The following SLC16A10 variants were observed in gnomAD, a reference collection of about 807,000 sequenced individuals.
SLC16A10 encodes monocarboxylate transporter 10.
Under a neutral mutation model 40.0 loss-of-function variants are expected in SLC16A10, and 27 were observed. That is an observed-to-expected ratio of 0.67 (90% confidence interval 0.50 to 0.93). The LOEUF (loss-of-function observed/expected upper bound fraction) is 0.93. Ranked by LOEUF, SLC16A10 falls within the 40% of genes least tolerant of loss-of-function variation. SLC16A10 has a pLI of 0.00. For missense variants in SLC16A10, 529 were observed against 658.2 expected (o/e 0.80, Z 2.15); for synonymous variants, 213 against 249.8 (o/e 0.85, Z 1.39).
At chr6:111,217,503 G>A (rs1770781822) in intron 4 of SLC16A10, among the ~76,000 whole-genome samples, 1 of 152,172 alleles carries the variant, frequency 6.6e-6, no homozygotes, top group Non-Finnish European at 1.5e-5. Context: ...AGGCTGGAGT[G>A]CAGTGGCATG....
intron 1 of SLC16A10, among the ~76,000 whole-genome samples, chr6:111,126,169 T>C (rs1771670718): frequency 6.6e-6 from 1 of 152,228 alleles, no homozygotes; most frequent in Admixed American, 6.5e-5. Context: ...CTTAAAGTCC[T>C]AGAATAATAA....
intron 4 of SLC16A10, among the ~76,000 whole-genome samples, chr6:111,210,669 A>G (rs1294226461): frequency 2.0e-5 from 3 of 152,164 alleles, no homozygotes; most frequent in East Asian, 1.9e-4. Flanking sequence ...TGGCATGGGA[A>G]GGGACTGGAA....
chr6:111,218,850 A>G lies in SLC16A10; in HGVS notation c.1123A>G (p.Met375Val), dbSNP rs1770832140. The G allele has an allele frequency of 1.9e-6, 3 of 1,614,120 alleles. No homozygotes were observed. Among genetic ancestry groups the G allele is most frequent in the African/African-American group, 1.3e-5 (1 of 75,032 alleles). Residue 375 changes from methionine to valine, a missense_variant, in exon 5 of 6, where the codon ATG becomes GTG. By Grantham distance (21) the Met-to-Val change is conservative. Transcript: ENST00000368851. ...SFFFIGLMSM[M>V]IPLCSIFGAL... The stretch of plus-strand genomic sequence containing the variant: ...TTTCTTCATTGGTCTGATGTCCATG[A>G]TGATTCCTCTGTGTAGCATCTTTGG...
chr6:111,142,936 A>C (rs960849436), intron 1 of SLC16A10, among the ~76,000 whole-genome samples: 1 of 152,258 alleles, frequency 6.6e-6, no homozygotes, highest in African/African-American at 2.4e-5. Context: ...CAGCAGCTTT[A>C]TTCATAATTG....
intron 1 of SLC16A10, among the ~76,000 whole-genome samples, chr6:111,116,966 T>A (rs766547586): frequency 2.0e-5 from 3 of 152,136 alleles, no homozygotes; most frequent in Non-Finnish European, 4.4e-5. Context: ...TAGCAGTACA[T>A]GTATTGATTA....
At chr6:111,188,225 G>T (rs915833180) in intron 3 of SLC16A10, among the ~76,000 whole-genome samples, 1 of 151,800 alleles carries the variant, frequency 6.6e-6, no homozygotes. Flanking sequence ...AAATACTAGG[G>T]TTTAAAAGTT....
At chr6:111,110,602 A>G (rs991393414) in intron 1 of SLC16A10, among the ~76,000 whole-genome samples, 5 of 152,166 alleles carry the variant, frequency 3.3e-5, no homozygotes, top group African/African-American at 1.2e-4. Context: ...GGAAGAGGTC[A>G]TTAAATGTGG....
At chr6:111,089,096 T>G (rs1218621638) in intron 1 of SLC16A10, among the ~76,000 whole-genome samples, 2 of 152,154 alleles carry the variant, frequency 1.3e-5, no homozygotes, top group Admixed American at 1.3e-4. Context: ...CTTTATATGA[T>G]TAATAGTCTT....
At chr6:111,210,164 T>C (rs750777629) in intron 4 of SLC16A10, among the ~76,000 whole-genome samples, 1 of 152,188 alleles carries the variant, frequency 6.6e-6, no homozygotes, top group Non-Finnish European at 1.5e-5. Flanking sequence ...CTAAGGGCTC[T>C]ACATGCATTA....
intron 1 of SLC16A10, among the ~76,000 whole-genome samples, chr6:111,106,212 T>C (rs1474938528): frequency 6.6e-6 from 1 of 152,238 alleles, no homozygotes; most frequent in Non-Finnish European, 1.5e-5. Flanking sequence ...TTAAATTCCA[T>C]GCCAACACAT....
At position 111,225,132 on chromosome 6, in the gene SLC16A10, A is replaced by G. The variant is rs1770967833; in HGVS notation, c.*2897A>G. 1.3e-5 allele frequency: 2 copies of G among 152,248 alleles called. No homozygotes were observed. The highest frequency in any genetic ancestry group is 1.5e-5 in the Non-Finnish European group (1 of 68,042). 9.4% of individuals were successfully genotyped at this position (152,248 alleles called of 1,614,324 possible). A position where few individuals can be genotyped will look rare whatever the true frequency, so the allele number is the denominator to read the frequency against. On this transcript the variant is annotated 3_prime_UTR_variant, in exon 6 of 6. Coordinates refer to ENST00000368851, the MANE Select transcript of SLC16A10 (RefSeq NM_018593.5). The stretch of plus-strand genomic sequence containing the variant: ...GGGATCCATCCATTTAAGCAGTAAT[A>G]TACCACCCAGATTATTGATACTTTA...
intron 1 of SLC16A10, among the ~76,000 whole-genome samples, chr6:111,097,778 C>A (rs1477599693): frequency 6.6e-6 from 1 of 152,154 alleles, no homozygotes; most frequent in East Asian, 1.9e-4. Flanking sequence ...GTGCCGCTTT[C>A]CTCCTCCAGT....
chr6:111,141,989 G>A lies in SLC16A10; in HGVS notation c.344-30706G>A, dbSNP rs112555555. On this transcript the variant is annotated intron_variant, in intron 1 of 5. Transcript: ENST00000368851. The stretch of plus-strand genomic sequence containing the variant: ...GACAGGCAAAAGACCCAAAATAGGT[G>A]ACATGCTATTGAAGCAGAATAAAGT... 2.6e-3 allele frequency among the ~76,000 whole-genome samples: 388 copies of A among 151,832 alleles called. 2 individuals are homozygous for A. The highest frequency in any genetic ancestry group is 8.9e-3 in the African/African-American group (367 of 41,378).
intron 3 of SLC16A10, among the ~76,000 whole-genome samples, chr6:111,200,671 G>A (rs538233938): frequency 1.9e-4 from 29 of 152,314 alleles, no homozygotes; most frequent in African/African-American, 7.0e-4. Flanking sequence ...GTAGTGTTAA[G>A]TTTTGATTTG....
At chr6:111,194,189 CT>C (rs1209746932) in intron 3 of SLC16A10, among the ~76,000 whole-genome samples, 8 of 152,170 alleles carry the variant, frequency 5.3e-5, no homozygotes, top group African/African-American at 1.9e-4. Flanking sequence ...CTACTCATGA[CT>C]ACTTTACTTT....
chr6:111,099,060 C>A (rs1160010323), intron 1 of SLC16A10, among the ~76,000 whole-genome samples: 3 of 152,144 alleles, frequency 2.0e-5, no homozygotes, highest in East Asian at 3.8e-4. Context: ...AGATCAGATT[C>A]TTTGGCCATA....
chr6:111,112,063 C>T (rs1419848410), intron 1 of SLC16A10, among the ~76,000 whole-genome samples: 1 of 151,990 alleles, frequency 6.6e-6, no homozygotes, highest in African/African-American at 2.4e-5. Context: ...CAGAGTCTTG[C>T]TCTGTTGCCC....
At chr6:111,165,441 G>A (rs1583338466) in intron 1 of SLC16A10, among the ~76,000 whole-genome samples, 1 of 152,306 alleles carries the variant, frequency 6.6e-6, no homozygotes, top group African/African-American at 2.4e-5. Context: ...GATGCAAGAA[G>A]AGGAAAACAT....
At chr6:111,108,497 A>T (rs1043744986) in intron 1 of SLC16A10, among the ~76,000 whole-genome samples, 1 of 152,248 alleles carries the variant, frequency 6.6e-6, no homozygotes, top group Non-Finnish European at 1.5e-5. Context: ...ATCAACTCAC[A>T]AAAGTATCTT....
Sources: gnomAD v4.1 joint callset for allele counts (sites outside exome capture counted in the v4.1 genomes callset) on GRCh38, gnomAD v4.1.1 for gene constraint, MANE v1.5 for transcripts, NCBI Gene and HGNC (gene_info 2026-07-23, HGNC 2026-07-21) for gene names.